MED12L: variants seen among roughly 807,000 people sequenced by gnomAD.
The protein encoded by MED12L is mediator complex subunit 12L, also known as mediator of RNA polymerase II transcription subunit 12-like protein.
Under a neutral mutation model 281.3 loss-of-function variants are expected in MED12L, and 60 were observed. The observed-to-expected ratio is 0.21, with a 90% CI of 0.17 to 0.26. The LOEUF (loss-of-function observed/expected upper bound fraction) is 0.26. MED12L is among the 10% of genes least tolerant of loss of function. The probability of loss-of-function intolerance (pLI) is 1.00; values close to 1 mark genes in which losing one functional copy is unlikely to be tolerated. For missense variants in MED12L, 2,146 were observed against 2,680.9 expected, an observed-to-expected ratio of 0.80 and a Z score of 4.41; for synonymous variants, 974 against 987.2, an observed-to-expected ratio of 0.99 and a Z score of 0.25.
intron 16 of MED12L, among the ~76,000 whole-genome samples, chr3:151,238,124 TG>T (rs1733300696): frequency 6.8e-6 from 1 of 147,462 alleles, no homozygotes. Flanking sequence ...TTTAGAACAG[TG>T]CACATTTTTT....
Position 151,199,348 on chromosome 3 carries a change from A to G in MED12L, c.2250+5682A>G, listed in dbSNP as rs769928153. On this transcript the variant is annotated intron_variant, in intron 16 of 44. Coordinates refer to ENST00000687756, the MANE Select transcript of MED12L (RefSeq NM_001393769.1). ...AAAAAAAATACGTGAATGGCTCCAGATCTTTATAAACTGGGCAGAAGAACG... is the reference window on the plus strand; with the variant it reads ...AAAAAAAATACGTGAATGGCTCCAGGTCTTTATAAACTGGGCAGAAGAACG... The G allele has an allele frequency of 1.9e-6, 3 of 1,613,128 alleles. No homozygotes were observed. The African/African-American group carries it at 4.0e-5, about 22-fold the overall frequency.
intron 16 of MED12L, among the ~76,000 whole-genome samples, chr3:151,295,530 A>C (rs1347492204): frequency 1.3e-5 from 2 of 152,198 alleles, no homozygotes; most frequent in Non-Finnish European, 2.9e-5. Flanking sequence ...TATCATTACA[A>C]ATAGAATCAA....
chr3:151,209,500 TAG>T (rs1334638978), intron 16 of MED12L, among the ~76,000 whole-genome samples: 1 of 152,170 alleles, frequency 6.6e-6, no homozygotes, highest in East Asian at 1.9e-4. Flanking sequence ...CACATGCCAT[TAG>T]AGTCTTGTGG....
chr3:151,343,057 C>T (rs1752072371), intron 16 of MED12L, among the ~76,000 whole-genome samples: 1 of 152,044 alleles, frequency 6.6e-6, no homozygotes, highest in Non-Finnish European at 1.5e-5. Flanking sequence ...AGAATCTTTC[C>T]CTATCACACC....
intron 16 of MED12L, among the ~76,000 whole-genome samples, chr3:151,259,990 AG>A (rs2149491970): frequency 6.6e-6 from 1 of 152,298 alleles, no homozygotes; most frequent in South Asian, 2.1e-4. Context: ...GATACATAAA[AG>A]ATTGGTAGGC....
intron 32 of MED12L, among the ~76,000 whole-genome samples, chr3:151,381,565 C>A (rs1040386831): frequency 6.6e-6 from 1 of 152,146 alleles, no homozygotes; most frequent in Non-Finnish European, 1.5e-5. Context: ...TGGAAAGATT[C>A]CCTTCCAGAG....
chr3:151,271,132 A>G (rs1740868592), intron 16 of MED12L, among the ~76,000 whole-genome samples: 1 of 152,196 alleles, frequency 6.6e-6, no homozygotes, highest in Non-Finnish European at 1.5e-5. Context: ...TCTCTGTTAA[A>G]GGCTCAGACT....
At chr3:151,383,694 AC>A (rs752851354) in intron 33 of MED12L, 84 bp from the exon 34 acceptor site, 38 of 819,462 alleles carry the variant, frequency 4.6e-5, no homozygotes, top group Non-Finnish European at 5.8e-5. Context: ...TAAATAAAAA[AC>A]AATCAAAATT....
At chr3:151,116,022 C>T (rs1387537271) in intron 2 of MED12L, among the ~76,000 whole-genome samples, 1 of 147,098 alleles carries the variant, frequency 6.8e-6, no homozygotes, top group Non-Finnish European at 1.5e-5. Flanking sequence ...CGAGATTGCG[C>T]CGCTGCACTC....
At chr3:151,388,767 C>T (rs570322181) in intron 37 of MED12L, among the ~76,000 whole-genome samples, 4 of 152,080 alleles carry the variant, frequency 2.6e-5, no homozygotes, top group Admixed American at 6.6e-5. Flanking sequence ...GTGTTCCCCA[C>T]GTATAATAAT....
intron 16 of MED12L, among the ~76,000 whole-genome samples, chr3:151,321,774 C>A (rs1176487039): frequency 1.3e-5 from 2 of 151,918 alleles, no homozygotes; most frequent in Admixed American, 6.6e-5. Flanking sequence ...AATTTAATTT[C>A]CTTTCTCTTT....
At chr3:151,178,180 A>AAAAAAAAAG (rs1560124043) in intron 11 of MED12L, among the ~76,000 whole-genome samples, 21 of 151,374 alleles carry the variant, frequency 1.4e-4, no homozygotes, top group African/African-American at 4.8e-4. Context: ...AAAAAAAAAA[A>AAAAAAAAAG]AAAAGAAAGT....
chr3:151,365,241 A>G (rs1178391365), intron 22 of MED12L, 35 bp downstream of exon 22: 1 of 1,555,002 alleles, frequency 6.4e-7, no homozygotes. Flanking sequence ...ATGATTAACC[A>G]AAGAGTTGTT....
intron 11 of MED12L, among the ~76,000 whole-genome samples, chr3:151,183,169 T>TA (rs1722901442): frequency 6.6e-6 from 1 of 151,974 alleles, no homozygotes; most frequent in Non-Finnish European, 1.5e-5. Context: ...AAGCAGAAAA[T>TA]AAAAATCTCC....
In MED12L at chr3:151,432,900, T is replaced by C; in HGVS notation, c.*96T>C. 1 of 936,542 alleles carries C rather than the reference T, an allele frequency of 1.1e-6. No individual in the cohort carries two copies. 58.0% of individuals were successfully genotyped at this position (936,542 alleles called of 1,614,324 possible). A position where few individuals can be genotyped will look rare whatever the true frequency, so the allele number is the denominator to read the frequency against. ...GTCATCTTAAAAATGTCCCTTTTTT[T>C]CATTTCTTTGACATTTTACTATATT... On this transcript the variant is annotated 3_prime_UTR_variant, in exon 45 of 45. Coordinates refer to ENST00000687756, the MANE Select transcript of MED12L (RefSeq NM_001393769.1).
intron 16 of MED12L, among the ~76,000 whole-genome samples, chr3:151,302,825 T>A (rs1474017488): frequency 6.6e-6 from 1 of 151,984 alleles, no homozygotes; most frequent in Non-Finnish European, 1.5e-5. Context: ...GGCCCTGGAG[T>A]TTATAAAGAA....
intron 16 of MED12L, chr3:151,295,021 G>A (rs981930024): frequency 1.9e-6 from 3 of 1,613,484 alleles, no homozygotes; most frequent in Non-Finnish European, 8.5e-7. Flanking sequence ...AGAATATGAA[G>A]CTGGTTTTAT....
chr3:151,180,160 C>T (rs1722546695), intron 11 of MED12L, among the ~76,000 whole-genome samples: 2 of 152,150 alleles, frequency 1.3e-5, no homozygotes, highest in African/African-American at 4.8e-5. Flanking sequence ...TTTAAAAGCT[C>T]AGTCTTTTCA....
chr3:151,295,030 A>G (rs1448434793), intron 16 of MED12L: 2 of 1,613,774 alleles, frequency 1.2e-6, no homozygotes, highest in South Asian at 1.1e-5. Flanking sequence ...AGCTGGTTTT[A>G]TTCCTAATGT....
Sources: allele counts gnomAD v4.1 joint callset (sites outside exome capture counted in the v4.1 genomes callset), GRCh38; gene constraint gnomAD v4.1.1; transcripts MANE v1.5; gene names NCBI Gene and HGNC (gene_info 2026-07-23, HGNC 2026-07-21).